Variants in DEPDC5 observed in about 807,000 individuals in gnomAD.
DEPDC5 encodes GATOR1 complex protein DEPDC5.
A neutral mutation model predicts 217.3 loss-of-function variants in DEPDC5; 73 were observed. That is an observed-to-expected ratio of 0.34 (90% CI 0.28 to 0.41). The LOEUF (loss-of-function observed/expected upper bound fraction) is 0.41. Among genes scored for constraint, DEPDC5 ranks in the 10% least tolerant of loss-of-function variants. DEPDC5 has a pLI of 1.00. For synonymous variants in DEPDC5, 733 were observed against 756.7 expected, an observed-to-expected ratio of 0.97 and a Z score of 0.51; for missense variants, 1,675 against 2,070.1, an observed-to-expected ratio of 0.81 and a Z score of 3.70.
At chr22:31,869,964 G>A (rs1210436572) in intron 33 of DEPDC5, among the ~76,000 whole-genome samples, 1 of 152,196 alleles carries the variant, frequency 6.6e-6, no homozygotes, top group East Asian at 1.9e-4. Flanking sequence ...GTACAGGCAT[G>A]ATTTAGAGAT....
At chr22:31,833,787 C>A in intron 24 of DEPDC5, 128 bp from the exon 25 acceptor site, 1 of 694,814 alleles carries the variant, frequency 1.4e-6, no homozygotes, top group Non-Finnish European at 2.4e-6. Context: ...TTGAAATACT[C>A]AGCACAGAAT....
intron 14 of DEPDC5, among the ~76,000 whole-genome samples, chr22:31,798,867 C>T (rs1439145379): frequency 6.6e-6 from 1 of 152,032 alleles, no homozygotes; most frequent in African/African-American, 2.4e-5. Context: ...CAGGGCATTC[C>T]CGAAAGCAAG....
At position 31,758,584 on chromosome 22, in the gene DEPDC5, A is replaced by G. The variant is rs368035159; in HGVS notation, c.97A>G (p.Ile33Val). 9 of 1,614,170 alleles carry G rather than the reference A, an allele frequency of 5.6e-6. No homozygotes were observed. Among genetic ancestry groups the G allele is most frequent in the Non-Finnish European group, 5.9e-6 (7 of 1,180,024 alleles). ...LVVNPKVFPH[I>V]KLGDIVEIAH... ...TGTGAACCCCAAAGTGTTCCCTCACATCAAGCTTGGAGACATTGTAGAGAT... is the reference window on the plus strand; with the variant it reads ...TGTGAACCCCAAAGTGTTCCCTCACGTCAAGCTTGGAGACATTGTAGAGAT... Residue 33 changes from isoleucine (I) to valine (V), a missense_variant, in exon 3 of 43, where the codon ATC (isoleucine) becomes GTC (valine). Physicochemically the swap from Ile to Val is conservative, Grantham distance 29. Coordinates refer to ENST00000651528, the MANE Select transcript of DEPDC5 (RefSeq NM_001242896.3).
chr22:31,765,160 G>A, intron 5 of DEPDC5, 100 bp downstream of exon 5: 1 of 950,032 alleles, frequency 1.1e-6, no homozygotes, highest in South Asian at 1.4e-5. Flanking sequence ...TGTAGTGTTA[G>A]CCTATTAAAT....
At chr22:31,904,459 C>T (rs930040758) in intron 41 of DEPDC5, among the ~76,000 whole-genome samples, 1 of 152,146 alleles carries the variant, frequency 6.6e-6, no homozygotes, top group African/African-American at 2.4e-5. Flanking sequence ...AGAGAGAAAG[C>T]AGGCTGGGTG....
chr22:31,779,595 G>T (rs1036680808), intron 8 of DEPDC5, among the ~76,000 whole-genome samples: 1 of 152,138 alleles, frequency 6.6e-6, no homozygotes, highest in Admixed American at 6.6e-5. Flanking sequence ...ATCCATTGAT[G>T]GGTTTTAAGT....
At chr22:31,824,302 C>A (rs532776811) in intron 24 of DEPDC5, among the ~76,000 whole-genome samples, 1 of 151,404 alleles carries the variant, frequency 6.6e-6, no homozygotes, top group Admixed American at 6.6e-5. Flanking sequence ...GCTGAGATTG[C>A]GCCACTGCAT....
chr22:31,879,417 GCTT>G, intron 37 of DEPDC5, 105 bp from the exon 38 acceptor site: 1 of 1,033,570 alleles, frequency 9.7e-7, no homozygotes, highest in Admixed American at 2.1e-5. Flanking sequence ...TTGTGTGTCG[GCTT>G]CTTTTACTTA....
chr22:31,852,043 A>T (rs1322987235), intron 31 of DEPDC5, among the ~76,000 whole-genome samples: 2 of 151,966 alleles, frequency 1.3e-5, no homozygotes, highest in Non-Finnish European at 2.9e-5. Flanking sequence ...ATTAGCCTAG[A>T]GTGGTGGTGA....
chr22:31,841,125 T>G (rs2091364672), intron 27 of DEPDC5, among the ~76,000 whole-genome samples: 1 of 152,254 alleles, frequency 6.6e-6, no homozygotes, highest in Non-Finnish European at 1.5e-5. Context: ...GCCCTCTTTC[T>G]TGCTGTAGAA....
intron 12 of DEPDC5, among the ~76,000 whole-genome samples, chr22:31,794,354 GT>G (rs1276340550): frequency 6.6e-6 from 1 of 151,952 alleles, no homozygotes; most frequent in African/African-American, 2.4e-5. Flanking sequence ...AGTATATGCA[GT>G]TTTATCTGTA....
intron 39 of DEPDC5, among the ~76,000 whole-genome samples, chr22:31,897,266 G>T (rs2093569958): frequency 6.6e-6 from 1 of 152,260 alleles, no homozygotes; most frequent in East Asian, 1.9e-4. Flanking sequence ...GTAAAGAGGA[G>T]CTGTGTGCTT....
chr22:31,833,869 T>G, intron 24 of DEPDC5, 46 bp from the exon 25 acceptor site: 2 of 1,458,172 alleles, frequency 1.4e-6, no homozygotes, highest in Non-Finnish European at 1.8e-6. Flanking sequence ...AGAACTCTTT[T>G]GCAGAGTGAG....
chr22:31,896,758 CCATCA>C (rs2093560033), intron 39 of DEPDC5, among the ~76,000 whole-genome samples: 1 of 152,180 alleles, frequency 6.6e-6, no homozygotes, highest in South Asian at 2.1e-4. Flanking sequence ...TTCCCCTCCT[CCATCA>C]CATTTCTCTC....
chr22:31,834,153 A>G (rs2090815792), intron 25 of DEPDC5, 173 bp downstream of exon 25: 2 of 724,446 alleles, frequency 2.8e-6, no homozygotes, highest in Non-Finnish European at 5.0e-6. Context: ...TGTGATGGAA[A>G]GTGAGGGGGT....
rs111677630 is a variant in DEPDC5 at position 31,865,493 on chromosome 22, T to TCAAAA, written c.3330+4088_3330+4092dup. 4.4e-3 allele frequency among the ~76,000 whole-genome samples: 665 copies of TCAAAA among 151,992 alleles called. 1 individual carries two copies. The highest frequency in any genetic ancestry group is 7.1e-3 in the South Asian group (34 of 4,808). On this transcript the variant is annotated intron_variant, in intron 33 of 42. Coordinates refer to ENST00000651528, the MANE Select transcript of DEPDC5 (RefSeq NM_001242896.3). ...CCCGGGCGACAGAGCAAGACCTGTC[T>TCAAAA]CAAAACAAAACAAAACAAAACAAAA...
intron 40 of DEPDC5, among the ~76,000 whole-genome samples, chr22:31,900,898 A>G (rs2093636526): frequency 6.6e-6 from 1 of 152,134 alleles, no homozygotes; most frequent in South Asian, 2.1e-4. Context: ...CAACATAGTG[A>G]GATGCCATCT....
chr22:31,804,753 T>C, intron 16 of DEPDC5, 89 bp from the exon 17 acceptor site: 1 of 1,426,936 alleles, frequency 7.0e-7, no homozygotes. Flanking sequence ...AAAAATTTTT[T>C]TTAAAAACCT....
chr22:31,800,984 A>G (rs56148015), intron 14 of DEPDC5, among the ~76,000 whole-genome samples: 1 of 148,420 alleles, frequency 6.7e-6, no homozygotes, highest in African/African-American at 2.5e-5. Context: ...TCAAAAAAAA[A>G]TTCTTTTTTT....
Sources: gnomAD v4.1 joint callset for allele counts (sites outside exome capture counted in the v4.1 genomes callset) on GRCh38, gnomAD v4.1.1 for gene constraint, MANE v1.5 for transcripts, NCBI Gene and HGNC (gene_info 2026-07-23, HGNC 2026-07-21) for gene names.